The following MORC4 variants were observed in gnomAD, a reference collection of about 807,000 sequenced individuals.
The protein encoded by MORC4 is MORC family CW-type zinc finger 4, also known as MORC family CW-type zinc finger protein 4.
Under a neutral mutation model 65.5 loss-of-function variants are expected in MORC4, and 22 were observed. That is an observed-to-expected ratio of 0.34 (90% confidence interval 0.24 to 0.48). The LOEUF (loss-of-function observed/expected upper bound fraction) is 0.48, where lower values mean the gene tolerates loss of function less well. MORC4 is among the 20% of genes least tolerant of loss of function. The pLI is 0.99. For synonymous variants in MORC4, 267 were observed against 255.8 expected (o/e 1.04, Z -0.42); for missense variants, 624 against 703.0 (o/e 0.89, Z 1.27).
chrX:106,981,067 T>C, intron 6 of MORC4, 48 bp from the exon 7 acceptor site: 1 of 1,183,698 alleles, frequency 8.4e-7, no homozygotes. Flanking sequence ...ATATTGCCAA[T>C]TCTGCTGACA....
In MORC4 at chrX:106,962,017, T is replaced by G. The variant is rs763456605; in HGVS notation, c.1251A>C (p.Pro417=). 30 of 1,191,520 alleles carry G rather than the reference T, an allele frequency of 2.5e-5. No homozygotes were observed. Among genetic ancestry groups the G allele is most frequent in the Middle Eastern group, 2.3e-4 (1 of 4,328 alleles). ...ATTCTGTATGTATTACTTACGGTAT[T>G]GGCCTGGCTACAGTTGAGGTCTCAA... ...DNFETSTVAR[P]IPKVPDQTWV... Residue 417 remains proline (P), a synonymous_variant, in exon 10 of 17, where the codon CCA becomes CCC. Transcript: ENST00000355610.
intron 9 of MORC4, among the ~76,000 whole-genome samples, chrX:106,972,722 T>C (rs1934547963): frequency 9.0e-6 from 1 of 111,724 alleles, no homozygotes; most frequent in South Asian, 3.8e-4. Context: ...GCAGATCACC[T>C]GAGGTCGGGA....
chrX:106,995,116 G>A (rs1378678027), intron 2 of MORC4, among the ~76,000 whole-genome samples: 1 of 110,969 alleles, frequency 9.0e-6, no homozygotes, highest in Non-Finnish European at 1.9e-5. Flanking sequence ...TTGTAATTTT[G>A]TAGCCATTAA....
At chrX:106,959,593 A>T (rs1158579483) in intron 10 of MORC4, among the ~76,000 whole-genome samples, 2 of 111,359 alleles carry the variant, frequency 1.8e-5, no homozygotes, top group Non-Finnish European at 3.8e-5. Flanking sequence ...GCTGGAGTGC[A>T]GTGGCACAAT....
intron 8 of MORC4, among the ~76,000 whole-genome samples, chrX:106,977,398 T>G (rs1206017795): frequency 3.6e-5 from 4 of 111,931 alleles, no homozygotes; most frequent in African/African-American, 1.3e-4. Flanking sequence ...GTTCATCATT[T>G]TTTGTGCTTT....
intron 9 of MORC4, among the ~76,000 whole-genome samples, chrX:106,973,207 T>G (rs1341286568): frequency 8.9e-6 from 1 of 112,087 alleles, no homozygotes; most frequent in Non-Finnish European, 1.9e-5. Context: ...CTGTGACCCC[T>G]TTTTTCCTTT....
At chrX:106,996,182 CTTT>C (rs565884580) in intron 2 of MORC4, among the ~76,000 whole-genome samples, 3 of 85,259 alleles carry the variant, frequency 3.5e-5, no homozygotes, top group Non-Finnish European at 2.3e-5. Context: ...TTACTAGGTA[CTTT>C]TTTTTTTTTT....
At chrX:106,975,723 C>T (rs754474670) in intron 9 of MORC4, among the ~76,000 whole-genome samples, 44 of 110,954 alleles carry the variant, frequency 4.0e-4, no homozygotes, top group South Asian at 2.7e-3. Context: ...ATACTTCCCT[C>T]TGCTTAGAAT....
chrX:106,968,891 T>C (rs771403939), intron 9 of MORC4, among the ~76,000 whole-genome samples: 1 of 110,885 alleles, frequency 9.0e-6, no homozygotes, highest in African/African-American at 3.3e-5. Flanking sequence ...TGGGAGACTT[T>C]AACACCCCTC....
chrX:106,949,425 T>C (rs1933921706), intron 14 of MORC4, among the ~76,000 whole-genome samples: 1 of 112,331 alleles, frequency 8.9e-6, no homozygotes, highest in South Asian at 3.7e-4. Context: ...TCTGCTCCCA[T>C]GTAGAGGTCA....
chrX:106,966,660 G>A (rs987063961), intron 9 of MORC4, among the ~76,000 whole-genome samples: 7 of 113,131 alleles, frequency 6.2e-5, no homozygotes, highest in East Asian at 2.8e-4. Flanking sequence ...TGGATGCCAC[G>A]CCCACAGAGC....
intron 5 of MORC4, among the ~76,000 whole-genome samples, chrX:106,982,196 T>G (rs1259589497): frequency 8.9e-6 from 1 of 112,181 alleles, no homozygotes; most frequent in East Asian, 2.8e-4. Flanking sequence ...AGTAAAAATG[T>G]ATATATCAGA....
intron 7 of MORC4, 31 bp downstream of exon 7, chrX:106,980,860 A>G (rs777670926): frequency 8.5e-7 from 1 of 1,180,727 alleles, no homozygotes; most frequent in Admixed American, 2.3e-5. Flanking sequence ...AAAGAGGTCA[A>G]CTTCATGTAG....
At chrX:106,985,007 T>C (rs771711111) in intron 5 of MORC4, 89 bp downstream of exon 5, 25 of 856,844 alleles carry the variant, frequency 2.9e-5, no homozygotes, top group Non-Finnish European at 4.0e-5. Context: ...TGTCTTTTTA[T>C]AAAAATTTTA....
intron 9 of MORC4, among the ~76,000 whole-genome samples, chrX:106,963,903 C>T (rs1341432853): frequency 2.7e-5 from 3 of 109,274 alleles, no homozygotes; most frequent in African/African-American, 1.0e-4. Flanking sequence ...AAAAAAAAAC[C>T]CAGCAAACCC....
At chrX:106,942,291 C>A in intron 15 of MORC4, 70 bp from the exon 16 acceptor site, 1 of 1,105,813 alleles carries the variant, frequency 9.0e-7, no homozygotes, top group South Asian at 2.1e-5. Flanking sequence ...CTCATATGGT[C>A]ATCCTGTGAT....
At chrX:106,975,629 C>T (rs1934606821) in intron 9 of MORC4, among the ~76,000 whole-genome samples, 1 of 111,380 alleles carries the variant, frequency 9.0e-6, no homozygotes, top group South Asian at 3.8e-4. Context: ...GCTACTGAGA[C>T]TTCAAGGAAA....
At chrX:106,953,659 G>GA (rs1555983130) in intron 14 of MORC4, among the ~76,000 whole-genome samples, 1 of 105,420 alleles carries the variant, frequency 9.5e-6, no homozygotes, top group Non-Finnish European at 2.0e-5. Flanking sequence ...TTGGTTTTTT[G>GA]TTTTTTTTTT....
At chrX:106,947,711 T>G (rs1228869708) in intron 14 of MORC4, among the ~76,000 whole-genome samples, 2 of 104,574 alleles carry the variant, frequency 1.9e-5, no homozygotes, top group African/African-American at 7.0e-5. Flanking sequence ...GATAGACTTT[T>G]AAATAAAAAA....
Sources: allele counts gnomAD v4.1 joint callset (sites outside exome capture counted in the v4.1 genomes callset), GRCh38; gene constraint gnomAD v4.1.1; transcripts MANE v1.5; gene names NCBI Gene and HGNC (gene_info 2026-07-23, HGNC 2026-07-21).